The following AKR1B1 variants were observed in gnomAD, a reference collection of about 807,000 sequenced individuals.
AKR1B1 encodes the protein aldo-keto reductase family 1 member B1.
Under a neutral mutation model 40.4 loss-of-function variants are expected in AKR1B1, and 22 were observed. That is an observed-to-expected ratio of 0.54 (90% CI 0.39 to 0.78). The LOEUF is 0.78. Ranked by LOEUF, AKR1B1 falls within the 30% of genes least tolerant of loss-of-function variation. AKR1B1 has a pLI of 0.00. For missense variants in AKR1B1, 357 were observed against 396.7 expected, an observed-to-expected ratio of 0.90 and a Z score of 0.85; for synonymous variants, 157 against 149.9, an observed-to-expected ratio of 1.05 and a Z score of -0.35.
chr7:134,445,173 ACTCT>A, intron 9 of AKR1B1, 61 bp downstream of exon 9: 2 of 1,392,870 alleles, frequency 1.4e-6, no homozygotes, highest in South Asian at 2.4e-5. Flanking sequence ...TGCAGGGATC[ACTCT>A]CTTGCTGTGC....
Position 134,449,752 on chromosome 7 carries a change from G to C in AKR1B1, c.397C>G (p.Pro133Ala). Residue 133 changes from proline (P) to alanine (A), a missense_variant, in exon 4 of 10, where the codon CCC (proline) becomes GCC (alanine). Pro to Ala is a conservative substitution (Grantham distance 27). Transcript: ENST00000285930. ...GTGTCCAGAATGTTGGTGTCACTGG[G>C]AACCACATTGCCCGACTCATCCAAT... is the stretch of plus-strand genomic sequence containing the variant. The part of the protein sequence containing the change: ...FPLDESGNVV[P>A]SDTNILDTWA... 6.2e-7 allele frequency: 1 copy of C among 1,614,022 alleles called. No homozygotes were observed.
intron 2 of AKR1B1, 41 bp from the exon 3 acceptor site, chr7:134,450,943 A>C (rs1182311764): frequency 1.3e-6 from 2 of 1,531,962 alleles, no homozygotes; most frequent in African/African-American, 2.7e-5. Context: ...TGCCAGCCAC[A>C]AGGCAGCTTC....
At chr7:134,457,135 CAA>C (rs11417418) in intron 1 of AKR1B1, among the ~76,000 whole-genome samples, 2 of 137,996 alleles carry the variant, frequency 1.4e-5, no homozygotes. Context: ...GCCCCTGTCT[CAA>C]AAAAAAAAAA....
At position 134,442,699 on chromosome 7, in the gene AKR1B1, C is replaced by T. The variant is rs1805973858; in HGVS notation, c.*29G>A. 5 of 1,611,924 alleles carry T rather than the reference C, an allele frequency of 3.1e-6. No individual in the cohort carries two copies. In the East Asian group the frequency reaches 1.1e-4, roughly 36 times the overall value. On this transcript the variant is annotated 3_prime_UTR_variant, in exon 10 of 10. Coordinates refer to ENST00000285930, the MANE Select transcript of AKR1B1 (RefSeq NM_001628.4). ...TGAGGCAAGAAACACAGGTATAGGT[C>T]ACTTGGGGACGAGCAGGCAACCACA... is the stretch of plus-strand genomic sequence containing the variant.
chr7:134,459,100 C>A lies in AKR1B1; in HGVS notation c.-38G>T. 1 of 1,581,932 alleles carries A rather than the reference C, an allele frequency of 6.3e-7. No individual in the cohort carries two copies. The highest frequency in any genetic ancestry group is 8.6e-7 in the Non-Finnish European group (1 of 1,164,412). Reference sequence around the variant, plus strand: ...CCCCAGACCCCCGCCCAGTACGGTGCGGCCTTGGCCGCGGCGCGTACCTTT... The same window carrying A: ...CCCCAGACCCCCGCCCAGTACGGTGAGGCCTTGGCCGCGGCGCGTACCTTT... On this transcript the variant is annotated 5_prime_UTR_variant, in exon 1 of 10. Coordinates refer to ENST00000285930, the MANE Select transcript of AKR1B1 (RefSeq NM_001628.4).
chr7:134,451,946 CATTGCCCTGTAGGAGA>C (rs1398901998), intron 1 of AKR1B1, 193 bp from the exon 2 acceptor site: 1 of 658,920 alleles, frequency 1.5e-6, no homozygotes, highest in Non-Finnish European at 2.7e-6. Flanking sequence ...GGCCACACAG[CATTGCCCTGTAGGAGA>C]ATCTGACAGC....
rs529543767 is a variant in AKR1B1, at chr7:134,459,086, C to G, written c.-24G>C. The G allele has an allele frequency of 5.6e-6, 9 of 1,593,904 alleles. No homozygotes were observed. The South Asian group carries it at 5.7e-5, about 10-fold the overall frequency. On this transcript the variant is annotated 5_prime_UTR_variant, in exon 1 of 10. Transcript: ENST00000285930. ...ATGGCTGCTGCGCTCCCCAGACCCCCGCCCAGTACGGTGCGGCCTTGGCCG... is the reference window on the plus strand; with the variant it reads ...ATGGCTGCTGCGCTCCCCAGACCCCGGCCCAGTACGGTGCGGCCTTGGCCG...
intron 1 of AKR1B1, among the ~76,000 whole-genome samples, chr7:134,456,764 G>A (rs923657951): frequency 1.4e-5 from 2 of 145,962 alleles, no homozygotes; most frequent in East Asian, 4.0e-4. Context: ...GCTAGAAATA[G>A]TAATGAATGA....
chr7:134,449,372 G>A (rs532526082), intron 4 of AKR1B1: 52 of 573,210 alleles, frequency 9.1e-5, no homozygotes, highest in Non-Finnish European at 1.5e-4. Flanking sequence ...GGATCACGAG[G>A]TCAGGAGATC....
chr7:134,442,857 C>T, intron 9 of AKR1B1, 87 bp from the exon 10 acceptor site: 1 of 1,288,486 alleles, frequency 7.8e-7, no homozygotes, highest in East Asian at 2.4e-5. Flanking sequence ...ATGTGTCTCA[C>T]TGAAGAAATA....
intron 8 of AKR1B1, among the ~76,000 whole-genome samples, chr7:134,446,876 T>C (rs1806114121): frequency 6.6e-6 from 1 of 152,238 alleles, no homozygotes; most frequent in African/African-American, 2.4e-5. Context: ...TTAATCTTCG[T>C]AACAACCCTC....
At chr7:134,448,239 C>T (rs1227985857) in intron 6 of AKR1B1, 148 bp downstream of exon 6, 2 of 928,522 alleles carry the variant, frequency 2.2e-6, no homozygotes, top group Non-Finnish European at 3.4e-6. Context: ...ACTAGAAACT[C>T]CAACCCTTCC....
intron 1 of AKR1B1, among the ~76,000 whole-genome samples, chr7:134,457,137 A>G: frequency 7.5e-6 from 1 of 133,782 alleles, no homozygotes; most frequent in South Asian, 2.3e-4. Flanking sequence ...CCCTGTCTCA[A>G]AAAAAAAAAA....
rs1395921638 is a variant in AKR1B1 at position 134,450,794 on chromosome 7, C to T, written c.343G>A (p.Gly115Ser). The T allele has an allele frequency of 6.2e-7, 1 of 1,613,722 alleles. No homozygotes were observed. Among genetic ancestry groups the T allele is most frequent in the Non-Finnish European group, 8.5e-7 (1 of 1,179,920 alleles). Residue 115 changes from glycine (G) to serine (S), a missense_variant, in exon 3 of 10, where the codon GGC (glycine) becomes AGC (serine). Physicochemically the swap from Gly to Ser is moderately conservative, Grantham distance 56. Coordinates refer to ENST00000285930, the MANE Select transcript of AKR1B1 (RefSeq NM_001628.4). ...LDLYLIHWPT[G>S]FKPGKEFFPL... is the part of the protein sequence containing the mutation. ...CACCAGGCATCCCATACCTTAAAGC[C>T]AGTCGGCCAGTGAATAAGGTAGAGG...
In AKR1B1 at chr7:134,448,046, G is replaced by T. The variant is rs752703695; in HGVS notation, c.675C>A (p.Asp225Glu). The change falls in exon 7 of 10, where the codon GAC becomes GAA. Residue 225 changes from aspartate (D) to glutamate (E), a missense_variant. By Grantham distance (45) the Asp-to-Glu change is conservative. Transcript: ENST00000285930. ...SPDRPWAKPE[D>E]PSLLEDPRIK... ...TCCTGGGATCCTCCAGGAGAGAAGG[G>T]TCCTCGGGCTTGGCCCTGAGGATAG... 1 of 1,612,688 alleles carries T rather than the reference G, an allele frequency of 6.2e-7. No homozygotes were observed. The highest frequency in any genetic ancestry group is 1.1e-5 in the South Asian group (1 of 90,590).
chr7:134,458,171 T>G (rs1431308530), intron 1 of AKR1B1, among the ~76,000 whole-genome samples: 2 of 152,208 alleles, frequency 1.3e-5, no homozygotes, highest in East Asian at 3.8e-4. Flanking sequence ...TGGTTTTTCA[T>G]ATCATATTAT....
intron 7 of AKR1B1, 146 bp downstream of exon 7, chr7:134,447,834 G>T: frequency 1.3e-6 from 1 of 767,800 alleles, no homozygotes. Context: ...ACCCCGATCT[G>T]TGCCCTTTCC....
chr7:134,453,100 TGATGA>T (rs1806340861), intron 1 of AKR1B1, among the ~76,000 whole-genome samples: 2 of 152,168 alleles, frequency 1.3e-5, no homozygotes, highest in African/African-American at 4.8e-5. Context: ...CAACCACCAC[TGATGA>T]CAGCAGGGAG....
At position 134,450,849 on chromosome 7, in the gene AKR1B1, T is replaced by A; in HGVS notation, c.288A>T (p.Thr96=). Residue 96 remains threonine, a synonymous_variant, in exon 3 of 10, where the codon ACA becomes ACT. Coordinates refer to ENST00000285930, the MANE Select transcript of AKR1B1 (RefSeq NM_001628.4). ...KGLVKGACQK[T]LSDLKLDYLD... Reference sequence around the variant, plus strand: ...GGTAGTCCAGCTTCAGGTCGCTGAGTGTCTTCTGGCAGGCTCCTTTCACCA... The same window carrying A: ...GGTAGTCCAGCTTCAGGTCGCTGAGAGTCTTCTGGCAGGCTCCTTTCACCA... The A allele has an allele frequency of 6.2e-7, 1 of 1,614,144 alleles. No individual in the cohort carries two copies. The highest frequency in any genetic ancestry group is 8.5e-7 in the Non-Finnish European group (1 of 1,180,026).
Sources: gnomAD v4.1 joint callset for allele counts (sites outside exome capture counted in the v4.1 genomes callset) on GRCh38, gnomAD v4.1.1 for gene constraint, MANE v1.5 for transcripts, NCBI Gene and HGNC (gene_info 2026-07-23, HGNC 2026-07-21) for gene names.